Variants in ARHGEF7 observed in about 807,000 individuals in gnomAD.
ARHGEF7 encodes the protein Rho guanine nucleotide exchange factor 7, also known as PAK-interacting exchange factor beta.
ARHGEF7 carries 33 observed loss-of-function variants against 109.8 expected under a neutral mutation model. The ratio of observed to expected loss-of-function variants is 0.30; its 90% confidence interval spans 0.23 to 0.40. ARHGEF7 has a LOEUF of 0.40. ARHGEF7 is among the 10% of genes least tolerant of loss of function. ARHGEF7 has a pLI of 1.00. For synonymous variants in ARHGEF7, 458 were observed against 424.6 expected, an observed-to-expected ratio of 1.08 and a Z score of -0.97; for missense variants, 938 against 1,098.5, an observed-to-expected ratio of 0.85 and a Z score of 2.07.
At chr13:111,262,382 C>T (rs1366615371) in intron 8 of ARHGEF7, among the ~76,000 whole-genome samples, 3 of 152,128 alleles carry the variant, frequency 2.0e-5, no homozygotes, top group African/African-American at 7.2e-5. Flanking sequence ...CATGTGGTTA[C>T]AGGGGCCCCG....
intron 1 of ARHGEF7, 163 bp from the exon 2 acceptor site, chr13:111,153,742 A>C (rs953427881): frequency 2.2e-6 from 3 of 1,339,390 alleles, no homozygotes; most frequent in Non-Finnish European, 2.8e-6. Flanking sequence ...GCAGCGGCTG[A>C]GCGGGTTGGC....
intron 2 of ARHGEF7, among the ~76,000 whole-genome samples, chr13:111,154,930 C>T (rs2076191379): frequency 6.6e-6 from 1 of 151,924 alleles, no homozygotes; most frequent in African/African-American, 2.4e-5. Context: ...GTACAGTCGG[C>T]CCTCCGTATC....
Position 111,233,263 on chromosome 13 carries a change from G to T in ARHGEF7, c.729G>T (p.Thr243=), listed in dbSNP as rs777106824. 1 of 1,614,038 alleles carries T rather than the reference G, an allele frequency of 6.2e-7. No homozygotes were observed. The highest frequency in any genetic ancestry group is 8.5e-7 in the Non-Finnish European group (1 of 1,179,952). The part of the protein sequence containing the change: ...TLKSPPKGFD[T]TAINKSYYNV... ...AGAGCCCTCCCAAAGGATTTGATAC[G>T]ACTGCCATAAACAAAAGCTATTACA... Residue 243 remains threonine, a synonymous_variant, in exon 6 of 22, where the codon ACG becomes ACT. Transcript: ENST00000646102.
intron 2 of ARHGEF7, among the ~76,000 whole-genome samples, chr13:111,192,722 G>GAAA (rs2080040590): frequency 0.062 from 1 of 16 alleles, no homozygotes; most frequent in African/African-American, 0.12. Context: ...CCCTGGAAGG[G>GAAA]TACCGAGTTA....
chr13:111,176,814 T>A (rs191138268), intron 2 of ARHGEF7, among the ~76,000 whole-genome samples: 86 of 152,358 alleles, frequency 5.6e-4, no homozygotes, highest in Middle Eastern at 6.8e-3. Context: ...TGGAGTGCAA[T>A]GGTGCGATTT....
At chr13:111,185,176 GTGCTGAGCTTCCCA>G (rs1292023659) in intron 2 of ARHGEF7, 2 of 152,256 alleles carry the variant, frequency 1.3e-5, no homozygotes, top group Admixed American at 1.3e-4. Context: ...AGGGGTCTGG[GTGCTGAGCTTCCCA>G]TCAGGAAGAA....
At chr13:111,288,318 C>G (rs1391565680) in intron 17 of ARHGEF7, 36 bp from the exon 18 acceptor site, 2 of 1,531,844 alleles carry the variant, frequency 1.3e-6, no homozygotes, top group East Asian at 2.3e-5. Flanking sequence ...AGAGGCCTTT[C>G]AGTTCGACTG....
At chr13:111,184,095 T>A (rs1389735114) in intron 2 of ARHGEF7, among the ~76,000 whole-genome samples, 1 of 152,114 alleles carries the variant, frequency 6.6e-6, no homozygotes, top group East Asian at 1.9e-4. Context: ...CACGGGTTGG[T>A]TTCCCCGCCG....
intron 2 of ARHGEF7, among the ~76,000 whole-genome samples, chr13:111,170,716 C>T (rs943655879): frequency 4.6e-5 from 7 of 152,170 alleles, no homozygotes; most frequent in African/African-American, 9.7e-5. Context: ...GGTCTGGCTC[C>T]GCTCTGGGAG....
intron 2 of ARHGEF7, among the ~76,000 whole-genome samples, chr13:111,196,266 C>A (rs2153453389): frequency 6.6e-6 from 1 of 152,294 alleles, no homozygotes; most frequent in Non-Finnish European, 1.5e-5. Flanking sequence ...TGAGTTGAGT[C>A]CCAGTGGGGA....
rs566678721 is a variant in ARHGEF7 at position 111,285,134 on chromosome 13, T to C, written c.1951-1013T>C. Among the ~76,000 whole-genome samples the C allele has an allele frequency of 1.2e-4, 18 of 152,322 alleles. No individual in the cohort carries two copies. In the South Asian group the frequency reaches 3.3e-3, roughly 28 times the overall value. ...TACCTATTACCCAAATAGGAAACAT[T>C]GTACCCAATGGGTAGCTTTTCAAAA... is the stretch of plus-strand genomic sequence containing the variant. On this transcript the variant is annotated intron_variant, in intron 16 of 21. Coordinates refer to ENST00000646102, the MANE Select transcript of ARHGEF7 (RefSeq NM_001354046.2).
chr13:111,294,094 A>T (rs1476111354), intron 19 of ARHGEF7: 1 of 985,346 alleles, frequency 1.0e-6, no homozygotes, highest in Non-Finnish European at 1.2e-6. Flanking sequence ...AACATTGAGG[A>T]GCAGTCAGAG....
chr13:111,171,363 CAG>C (rs1211140803), intron 2 of ARHGEF7, among the ~76,000 whole-genome samples: 3 of 152,184 alleles, frequency 2.0e-5, no homozygotes, highest in African/African-American at 7.2e-5. Flanking sequence ...GGTGTCTGAA[CAG>C]AGTGTGGCTG....
chr13:111,299,603 A>C (rs549471538), intron 19 of ARHGEF7, among the ~76,000 whole-genome samples: 1 of 152,098 alleles, frequency 6.6e-6, no homozygotes, highest in Non-Finnish European at 1.5e-5. Flanking sequence ...CCGCCTCCCA[A>C]AGTGCTGGGA....
chr13:111,277,143 C>T (rs1380403856), intron 12 of ARHGEF7, among the ~76,000 whole-genome samples: 5 of 152,104 alleles, frequency 3.3e-5, no homozygotes, highest in African/African-American at 1.2e-4. Context: ...CCACCTGTTC[C>T]CCCTGACCCC....
intron 19 of ARHGEF7, chr13:111,295,058 G>A: frequency 1.0e-6 from 1 of 985,602 alleles, no homozygotes; most frequent in Non-Finnish European, 1.2e-6. Context: ...AAACTCAATT[G>A]GATGTATATC....
At chr13:111,236,674 C>T (rs753973484) in intron 6 of ARHGEF7, among the ~76,000 whole-genome samples, 1 of 152,142 alleles carries the variant, frequency 6.6e-6, no homozygotes, top group Non-Finnish European at 1.5e-5. Context: ...TGTGCTTAAA[C>T]ACCTTTAACA....
At position 111,157,574 on chromosome 13, in the gene ARHGEF7, G is replaced by GA. The variant is rs199574782; in HGVS notation, c.252+3593dup. Among the ~76,000 whole-genome samples the GA allele has an allele frequency of 3.8e-3, 554 of 147,306 alleles. 2 individuals are homozygous for GA. The highest frequency in any genetic ancestry group is 0.011 in the African/African-American group (440 of 40,066). ...AGAGCAAAACTCCGTCTCAAAAAAA[G>GA]AAAAAAAAAATGATGATGATGATGA... On this transcript the variant is annotated intron_variant, in intron 2 of 21. Transcript: ENST00000646102.
intron 13 of ARHGEF7, among the ~76,000 whole-genome samples, chr13:111,278,343 C>T (rs540744782): frequency 6.6e-6 from 1 of 152,230 alleles, no homozygotes; most frequent in African/African-American, 2.4e-5. Context: ...TACAGAGGCT[C>T]ATATCCTTCC....
Sources: allele counts gnomAD v4.1 joint callset (sites outside exome capture counted in the v4.1 genomes callset), GRCh38; gene constraint gnomAD v4.1.1; transcripts MANE v1.5; gene names NCBI Gene and HGNC (gene_info 2026-07-23, HGNC 2026-07-21).